EML5: variants seen among roughly 807,000 people sequenced by gnomAD.
EML5 encodes the protein EMAP like 5, also known as echinoderm microtubule-associated protein-like 5.
A neutral mutation model predicts 250.0 loss-of-function variants in EML5; 120 were observed. The observed-to-expected ratio is 0.48, with a 90% CI of 0.41 to 0.56. The LOEUF is 0.56. EML5 is among the 20% of genes least tolerant of loss of function. EML5 has a pLI of 0.00. For synonymous variants in EML5, 771 were observed against 806.5 expected, an observed-to-expected ratio of 0.96 and a Z score of 0.75; for missense variants, 2,006 against 2,437.6, an observed-to-expected ratio of 0.82 and a Z score of 3.73.
intron 34 of EML5, 109 bp downstream of exon 34, chr14:88,627,537 A>G: frequency 8.9e-7 from 1 of 1,126,244 alleles, no homozygotes; most frequent in Non-Finnish European, 1.2e-6. Context: ...ATAGGCCTCC[A>G]CTGAATGATT....
At chr14:88,696,595 A>G (rs2093085034) in intron 15 of EML5, among the ~76,000 whole-genome samples, 1 of 152,202 alleles carries the variant, frequency 6.6e-6, no homozygotes, top group African/African-American at 2.4e-5. Context: ...TTACGTAGAT[A>G]AACATTTTTA....
intron 27 of EML5, among the ~76,000 whole-genome samples, chr14:88,656,427 T>A (rs1322356530): frequency 6.6e-6 from 1 of 151,946 alleles, no homozygotes; most frequent in African/African-American, 2.4e-5. Context: ...TGAGAACATA[T>A]GGACACAGGG....
rs2087607017 is a variant in EML5 at position 88,616,326 on chromosome 14, C to T, written c.5797-84G>A. 8 of 1,331,324 alleles carry T rather than the reference C, an allele frequency of 6.0e-6. No homozygotes were observed. The South Asian group carries it at 7.2e-5, about 12-fold the overall frequency. The allele number at this position is 1,331,324 out of a possible 1,614,324, so 82.5% of individuals were successfully genotyped here. A position where few individuals can be genotyped will look rare whatever the true frequency, so the allele number is the denominator to read the frequency against. ...TTATTAGGAACTATAATCTCTATGACAAGAGCTGTGGAGAGAGTAGGGAGT... is the reference window on the plus strand; with the variant it reads ...TTATTAGGAACTATAATCTCTATGATAAGAGCTGTGGAGAGAGTAGGGAGT... On this transcript the variant is annotated intron_variant, in intron 42 of 43. Transcript: ENST00000554922.
rs757647343 is a variant in EML5 at position 88,616,225 on chromosome 14, G to C, written c.5814C>G (p.Phe1938Leu). Reference protein sequence around the residue: ...CPEKFAKHKRFLGHSPHVTNI... With the variant: ...CPEKFAKHKRLLGHSPHVTNI... ...TTGTCACATGGGGCGAATGACCCAA[G>C]AACCTTTTGTGTTTTGCCTAAAAAA... Residue 1938 changes from phenylalanine (F) to leucine (L), a missense_variant, in exon 43 of 44, where the codon TTC becomes TTG. Around this residue, in one of 7 missense-constraint regions of EML5, gnomAD observed 56 missense variants for 55.1 expected, o/e 1.02. Coordinates refer to ENST00000554922, the MANE Select transcript of EML5 (RefSeq NM_183387.3). The C allele has an allele frequency of 1.2e-6, 2 of 1,613,856 alleles. No individual in the cohort carries two copies. The highest frequency in any genetic ancestry group is 1.7e-6 in the Non-Finnish European group (2 of 1,179,792).
intron 1 of EML5, among the ~76,000 whole-genome samples, chr14:88,758,779 T>C (rs1345287222): frequency 6.6e-6 from 1 of 152,208 alleles, no homozygotes; most frequent in East Asian, 1.9e-4. Flanking sequence ...ATCCAAATGT[T>C]TGACTGAATC....
intron 1 of EML5, among the ~76,000 whole-genome samples, chr14:88,765,634 C>A (rs1422369225): frequency 2.0e-5 from 3 of 152,150 alleles, no homozygotes; most frequent in African/African-American, 7.2e-5. Context: ...ATTATATCTG[C>A]AAAGTCATGT....
At chr14:88,662,348 T>TTG (rs2092141053) in intron 24 of EML5, among the ~76,000 whole-genome samples, 2 of 141,314 alleles carry the variant, frequency 1.4e-5, no homozygotes, top group African/African-American at 2.8e-5. Flanking sequence ...TGTTTTTTTT[T>TTG]TTTTTTTTTT....
intron 1 of EML5, among the ~76,000 whole-genome samples, chr14:88,768,415 G>C (rs1266262842): frequency 7.0e-6 from 1 of 142,156 alleles, no homozygotes; most frequent in East Asian, 2.2e-4. Flanking sequence ...TAATGTGATT[G>C]TCTTTTTTTT....
At chr14:88,695,968 C>T (rs948464968) in intron 15 of EML5, among the ~76,000 whole-genome samples, 3 of 152,048 alleles carry the variant, frequency 2.0e-5, no homozygotes, top group Middle Eastern at 3.4e-3. Context: ...CAAATCACTG[C>T]GACAAATGAT....
At chr14:88,742,907 G>T (rs1329636552) in intron 4 of EML5, among the ~76,000 whole-genome samples, 1 of 152,086 alleles carries the variant, frequency 6.6e-6, no homozygotes, top group East Asian at 1.9e-4. Context: ...TGTGAACACA[G>T]AACCTTAATT....
At chr14:88,775,656 A>G (rs2094440049) in intron 1 of EML5, among the ~76,000 whole-genome samples, 1 of 152,158 alleles carries the variant, frequency 6.6e-6, no homozygotes, top group Admixed American at 6.5e-5. Context: ...CATGGATGGT[A>G]CCTCTGGACC....
chr14:88,792,904 A>G lies in EML5; in HGVS notation c.-401T>C, dbSNP rs2094624878. ...CGCTCGCGCCCCGCCGCGGCTTTGT[A>G]GCCACAGCCTGGCGGACCCGCGCCG... On this transcript the variant is annotated 5_prime_UTR_variant, in exon 1 of 44. Transcript: ENST00000554922. This position sits in a 1 kb window ranked among gnomAD's most constrained non-coding sequence, Gnocchi z 6.9. Among the ~76,000 whole-genome samples the G allele has an allele frequency of 6.6e-6, 1 of 151,666 alleles. No individual in the cohort carries two copies. The highest frequency in any genetic ancestry group is 6.6e-5 in the Admixed American group (1 of 15,234).
At position 88,681,962 on chromosome 14, in the gene EML5, C is replaced by A. The variant is rs769960454; in HGVS notation, c.3052G>T (p.Asp1018Tyr). 4 of 1,613,548 alleles carry A rather than the reference C, an allele frequency of 2.5e-6. No individual in the cohort carries two copies. The highest frequency in any genetic ancestry group is 2.5e-6 in the Non-Finnish European group (3 of 1,179,746). ...TCCCATATTCTTAAGGTTTTATCAT[C>A]GCTTACAGTAGCACAGATGGGCAGA... ...PYLPICATVS[D>Y]DKTLRIWDLS... The change falls in exon 21 of 44, where the codon GAT becomes TAT. Residue 1018 changes from aspartate to tyrosine, a missense_variant. Transcript: ENST00000554922.
rs1168005916 is a variant in EML5 at position 88,665,440 on chromosome 14, A to C, written c.3174T>G (p.Gly1058=). The C allele has an allele frequency of 3.1e-6, 5 of 1,613,868 alleles. No homozygotes were observed. The highest frequency in any genetic ancestry group is 4.2e-6 in the Non-Finnish European group (5 of 1,179,888). The change falls in exon 22 of 44, where the codon GGT becomes GGG. Residue 1058 remains glycine (G), a synonymous_variant. Coordinates refer to ENST00000554922, the MANE Select transcript of EML5 (RefSeq NM_183387.3). The stretch of plus-strand genomic sequence containing the variant: ...CCATTAAGAAGCTTCCATCGTTGAG[A>C]CCTACGGCTAAAGCTTTACCATCAG... The part of the protein sequence containing the change: ...FSPDGKALAV[G]LNDGSFLMAN...
intron 10 of EML5, among the ~76,000 whole-genome samples, chr14:88,711,136 T>C (rs766583894): frequency 7.9e-5 from 12 of 152,024 alleles, no homozygotes; most frequent in Non-Finnish European, 1.3e-4. Context: ...ATGGTGACTC[T>C]CATGTCCTGG....
chr14:88,657,552 T>C (rs760442972), intron 26 of EML5, 50 bp from the exon 27 acceptor site: 1 of 1,483,034 alleles, frequency 6.7e-7, no homozygotes, highest in Non-Finnish European at 9.1e-7. Flanking sequence ...TGAGATCAAT[T>C]ATGATCTTAT....
At chr14:88,651,157 T>C (rs1670958824) in intron 27 of EML5, among the ~76,000 whole-genome samples, 2 of 111,568 alleles carry the variant, frequency 1.8e-5, no homozygotes, top group African/African-American at 7.5e-5. Flanking sequence ...TCATTTTCTT[T>C]TTTTTTTTTT....
intron 1 of EML5, among the ~76,000 whole-genome samples, chr14:88,776,843 T>C (rs146268926): frequency 5.3e-4 from 81 of 152,164 alleles, no homozygotes; most frequent in African/African-American, 1.7e-3. Context: ...ATTATACTGC[T>C]GCACTCCAGC....
At chr14:88,771,097 A>T (rs1001846009) in intron 1 of EML5, among the ~76,000 whole-genome samples, 1 of 152,240 alleles carries the variant, frequency 6.6e-6, no homozygotes, top group African/African-American at 2.4e-5. Context: ...CCATTCTTAC[A>T]TGCAAATATA....
Sources: gnomAD v4.1 joint callset for allele counts (sites outside exome capture counted in the v4.1 genomes callset) on GRCh38, gnomAD v4.1.1 for gene constraint, gnomAD v4.1.1 regional missense constraint, Gnocchi (gnomAD v3.1) non-coding constraint, MANE v1.5 for transcripts, NCBI Gene and HGNC (gene_info 2026-07-23, HGNC 2026-07-21) for gene names.